Variants in SLFN12L observed in about 807,000 individuals in gnomAD.
SLFN12L encodes schlafen family member 12 like, also known as schlafen family member 12-like.
Under a neutral mutation model 34.8 loss-of-function variants are expected in SLFN12L, and 34 were observed. That is an observed-to-expected ratio of 0.98 (90% CI 0.74 to 1.30). The LOEUF (loss-of-function observed/expected upper bound fraction) is 1.30. SLFN12L is among the 50% of genes most tolerant of loss of function. SLFN12L has a pLI of 0.00. For missense variants in SLFN12L, 703 were observed against 696.2 expected (o/e 1.01, Z -0.11); for synonymous variants, 259 against 247.5 (o/e 1.05, Z -0.44).
chr17:35,533,878 C>T (rs548562656), intron 1 of SLFN12L, among the ~76,000 whole-genome samples: 4 of 151,346 alleles, frequency 2.6e-5, no homozygotes, highest in East Asian at 3.9e-4. Context: ...GTCAGGAGTT[C>T]GAGACCAGCC....
intron 1 of SLFN12L, among the ~76,000 whole-genome samples, chr17:35,536,915 T>C (rs969885821): frequency 2.7e-5 from 4 of 150,134 alleles, no homozygotes; most frequent in South Asian, 2.1e-4. Flanking sequence ...GTGGCTAATG[T>C]CTATAATCCC....
At chr17:35,524,631 G>A (rs2072316459) in intron 1 of SLFN12L, among the ~76,000 whole-genome samples, 1 of 152,220 alleles carries the variant, frequency 6.6e-6, no homozygotes, top group Non-Finnish European at 1.5e-5. Flanking sequence ...GCAGCAGAGG[G>A]GCCTGACTGT....
chr17:35,531,215 C>G (rs1389309892), intron 1 of SLFN12L, among the ~76,000 whole-genome samples: 1 of 152,076 alleles, frequency 6.6e-6, no homozygotes, highest in Admixed American at 6.5e-5. Flanking sequence ...GCTTTTTTGT[C>G]TGGTTTTCCA....
chr17:35,498,811 T>C (rs1056730857), intron 2 of SLFN12L: 1 of 852,180 alleles, frequency 1.2e-6, no homozygotes, highest in Non-Finnish European at 1.9e-6. Context: ...CATCTTGATG[T>C]GCAGCCTGCC....
rs1282530179 is a variant in SLFN12L, at chr17:35,467,407, T to C, written c.*7516A>G. ...AGATACCCAAAATCACGTGTCTATGTATATTAAGGCCACCATATGAGGCCT... is the reference window on the plus strand; with the variant it reads ...AGATACCCAAAATCACGTGTCTATGCATATTAAGGCCACCATATGAGGCCT... On this transcript the variant is annotated 3_prime_UTR_variant, in exon 5 of 5. Transcript: ENST00000628453. 6.6e-6 allele frequency among the ~76,000 whole-genome samples: 1 copy of C among 152,248 alleles called. No individual in the cohort carries two copies. The highest frequency in any genetic ancestry group is 2.4e-5 in the African/African-American group (1 of 41,466).
intron 2 of SLFN12L, among the ~76,000 whole-genome samples, chr17:35,507,278 T>G (rs1240307200): frequency 1.3e-5 from 2 of 152,156 alleles, no homozygotes; most frequent in Non-Finnish European, 2.9e-5. Context: ...GAAAGAATAA[T>G]ATAATATTAT....
chr17:35,515,288 C>T, intron 2 of SLFN12L: 1 of 373,210 alleles, frequency 2.7e-6, no homozygotes, highest in Non-Finnish European at 5.1e-6. Flanking sequence ...CCGACGCCGG[C>T]GGGACAGGCA....
At chr17:35,526,001 G>A (rs1472060369) in intron 1 of SLFN12L, among the ~76,000 whole-genome samples, 1 of 152,156 alleles carries the variant, frequency 6.6e-6, no homozygotes, top group Non-Finnish European at 1.5e-5. Context: ...TCAAAATAAA[G>A]GGATGGAGGA....
intron 2 of SLFN12L, among the ~76,000 whole-genome samples, chr17:35,486,378 A>G (rs1356972273): frequency 6.6e-6 from 1 of 152,128 alleles, no homozygotes; most frequent in Admixed American, 6.5e-5. Flanking sequence ...GACAGAAATC[A>G]CATCTCACCC....
intron 2 of SLFN12L, among the ~76,000 whole-genome samples, chr17:35,493,562 A>AT (rs531006478): frequency 0.014 from 2,158 of 152,248 alleles, 19 homozygotes; most frequent in Non-Finnish European, 0.024. Flanking sequence ...CATGCCTAAG[A>AT]TTTTTTCCAG....
intron 2 of SLFN12L, among the ~76,000 whole-genome samples, chr17:35,511,472 G>A (rs1227776324): frequency 6.6e-6 from 1 of 152,138 alleles, no homozygotes; most frequent in Non-Finnish European, 1.5e-5. Context: ...CTAGTTGTCT[G>A]TTAATAGAAA....
rs1913751156 is a variant in SLFN12L at position 35,468,469 on chromosome 17, C to G, written c.*6454G>C. Among the ~76,000 whole-genome samples the G allele has an allele frequency of 6.6e-6, 1 of 152,176 alleles. No homozygotes were observed. On this transcript the variant is annotated 3_prime_UTR_variant, in exon 5 of 5. Coordinates refer to ENST00000628453, the MANE Select transcript of SLFN12L (RefSeq NM_001363830.2). ...GTCAGAGATGAATTTACCCCTGCACCAGACATGGCGTCACCCTAAACACAA... is the reference window on the plus strand; with the variant it reads ...GTCAGAGATGAATTTACCCCTGCACGAGACATGGCGTCACCCTAAACACAA...
At chr17:35,529,675 C>A (rs1288683944) in intron 1 of SLFN12L, among the ~76,000 whole-genome samples, 3 of 150,556 alleles carry the variant, frequency 2.0e-5, no homozygotes, top group African/African-American at 7.4e-5. Flanking sequence ...AGGGGAACAT[C>A]ACACACTGGG....
Position 35,465,768 on chromosome 17 carries a change from T to C in SLFN12L, c.*9155A>G, listed in dbSNP as rs1913711685. On this transcript the variant is annotated 3_prime_UTR_variant, in exon 5 of 5. Transcript: ENST00000628453. ...AGGGCCTCATAGCCAGTATCTAGTA[T>C]GATTAACATTATTAACTCTATCCAA... Among the ~76,000 whole-genome samples the C allele has an allele frequency of 6.7e-6, 1 of 149,130 alleles. No individual in the cohort carries two copies. Among genetic ancestry groups the C allele is most frequent in the Admixed American group, 6.8e-5 (1 of 14,742 alleles).
chr17:35,509,529 G>A (rs1434589284), intron 2 of SLFN12L, among the ~76,000 whole-genome samples: 3 of 152,034 alleles, frequency 2.0e-5, no homozygotes, highest in Non-Finnish European at 2.9e-5. Context: ...TTTCTCTTTG[G>A]TTTCTGACAA....
rs1036676597 is a variant in SLFN12L, at chr17:35,504,361, T to C, written c.86+17918A>G. Among the ~76,000 whole-genome samples, 4 of 152,216 alleles carry C rather than the reference T, an allele frequency of 2.6e-5. No homozygotes were observed. The South Asian group carries it at 8.3e-4, about 32-fold the overall frequency. ...AAGGATGGACTGCCCCAACCGGTTT[T>C]TGTAATTTCCTAAAATCATACATTC... On this transcript the variant is annotated intron_variant, in intron 2 of 4. Transcript: ENST00000628453.
At position 35,522,627 on chromosome 17, in the gene SLFN12L, A is replaced by G. The variant is rs4796095; in HGVS notation, c.-263T>C. ...CCATCGGAGACACTGCAGCCTCCAA[A>G]GCCTCTGCGCTGCTCTCAGGACTCA... On this transcript the variant is annotated 5_prime_UTR_variant, in exon 2 of 5. Transcript: ENST00000628453. 0.91 allele frequency: 1,474,984 copies of G among 1,612,284 alleles called. 675,503 individuals carry two copies. Among genetic ancestry groups the G allele is most frequent in the East Asian group, 1 (44,847 of 44,872 alleles).
At chr17:35,530,424 A>AG (rs1476894899) in intron 1 of SLFN12L, among the ~76,000 whole-genome samples, 360 of 6,662 alleles carry the variant, frequency 0.054, 60 homozygotes, top group South Asian at 0.089. Flanking sequence ...GAAGGAAGGA[A>AG]GGAAGGGAAG....
intron 2 of SLFN12L, among the ~76,000 whole-genome samples, 195 bp downstream of exon 2, chr17:35,522,084 C>T (rs945837656): frequency 6.6e-6 from 1 of 151,802 alleles, no homozygotes; most frequent in East Asian, 1.9e-4. Flanking sequence ...CAAACCTGCA[C>T]GTTGTGCACA....
Sources: gnomAD v4.1 joint callset for allele counts (sites outside exome capture counted in the v4.1 genomes callset) on GRCh38, gnomAD v4.1.1 for gene constraint, MANE v1.5 for transcripts, NCBI Gene and HGNC (gene_info 2026-07-23, HGNC 2026-07-21) for gene names.